VSNL1: variants seen among roughly 807,000 people sequenced by gnomAD.
VSNL1 encodes the protein visinin like 1.
Under a neutral mutation model 20.4 loss-of-function variants are expected in VSNL1, and 6 were observed. That is an observed-to-expected ratio of 0.29 (90% confidence interval 0.16 to 0.58). The LOEUF (loss-of-function observed/expected upper bound fraction) is 0.58. Ranked by LOEUF, VSNL1 falls within the 20% of genes least tolerant of loss-of-function variation. The pLI is 0.90. For missense variants in VSNL1, 100 were observed against 234.5 expected, an observed-to-expected ratio of 0.43 and a Z score of 3.75; for synonymous variants, 93 against 86.4, an observed-to-expected ratio of 1.08 and a Z score of -0.42.
intron 1 of VSNL1, among the ~76,000 whole-genome samples, chr2:17,551,063 T>G (rs1271415331): frequency 1.3e-5 from 2 of 152,162 alleles, no homozygotes; most frequent in Non-Finnish European, 2.9e-5. Flanking sequence ...CATCAATAAA[T>G]TGTGGAGTTT....
At chr2:17,549,869 T>G (rs1663487800) in intron 1 of VSNL1, among the ~76,000 whole-genome samples, 1 of 152,186 alleles carries the variant, frequency 6.6e-6, no homozygotes, top group South Asian at 2.1e-4. Context: ...AAGAACTCAG[T>G]TAGAAAAACT....
chr2:17,545,536 C>A (rs1005215928), intron 1 of VSNL1, among the ~76,000 whole-genome samples: 1 of 152,118 alleles, frequency 6.6e-6, no homozygotes, highest in African/African-American at 2.4e-5. Flanking sequence ...AGATCATGCT[C>A]TCTTGAGCTA....
intron 2 of VSNL1, among the ~76,000 whole-genome samples, chr2:17,601,614 C>G (rs544568050): frequency 6.9e-6 from 1 of 144,604 alleles, no homozygotes; most frequent in Non-Finnish European, 1.5e-5. Flanking sequence ...CCAGCCTGTA[C>G]GACAGAGTGA....
intron 2 of VSNL1, among the ~76,000 whole-genome samples, chr2:17,598,409 CTG>C (rs1437841165): frequency 1.3e-5 from 2 of 152,342 alleles, no homozygotes; most frequent in African/African-American, 4.8e-5. Flanking sequence ...GGCTTTCAAA[CTG>C]TAACGCATCT....
In VSNL1 at chr2:17,651,616, C is replaced by A. The variant is rs1250220127; in HGVS notation, c.378+1991C>A. Reference sequence around the variant, plus strand: ...GACATTGGTTATGTTTGGTGTGAGACCTGACTGTGAGGGCTGGGCCAGCTC... The same window carrying A: ...GACATTGGTTATGTTTGGTGTGAGAACTGACTGTGAGGGCTGGGCCAGCTC... On this transcript the variant is annotated intron_variant, in intron 3 of 3. Coordinates refer to ENST00000295156, the MANE Select transcript of VSNL1 (RefSeq NM_003385.5). Among the ~76,000 whole-genome samples, 3 of 152,206 alleles carry A rather than the reference C, an allele frequency of 2.0e-5. No individual in the cohort carries two copies. In the East Asian group the frequency reaches 5.8e-4, roughly 29 times the overall value.
intron 2 of VSNL1, among the ~76,000 whole-genome samples, chr2:17,612,077 C>T (rs1287926558): frequency 2.0e-5 from 3 of 152,074 alleles, no homozygotes; most frequent in Non-Finnish European, 2.9e-5. Context: ...TGTGTGTGCT[C>T]TCACTCACAC....
At chr2:17,591,911 A>G (rs1363266623) in intron 1 of VSNL1, among the ~76,000 whole-genome samples, 159 bp from the exon 2 acceptor site, 1 of 151,954 alleles carries the variant, frequency 6.6e-6, no homozygotes, top group African/African-American at 2.4e-5. Flanking sequence ...ATATTTTTCT[A>G]GAATACCAAG....
intron 1 of VSNL1, among the ~76,000 whole-genome samples, chr2:17,589,571 C>A (rs971219958): frequency 3.9e-5 from 6 of 152,180 alleles, no homozygotes; most frequent in African/African-American, 1.4e-4. Flanking sequence ...AACCATTGCC[C>A]AACACACCTG....
At chr2:17,629,690 C>T (rs747723819) in intron 2 of VSNL1, among the ~76,000 whole-genome samples, 3 of 152,246 alleles carry the variant, frequency 2.0e-5, no homozygotes, top group Non-Finnish European at 2.9e-5. Context: ...GCTGGAGGCA[C>T]CTCGTCCACT....
At chr2:17,588,587 G>A (rs894462804) in intron 1 of VSNL1, among the ~76,000 whole-genome samples, 3 of 152,202 alleles carry the variant, frequency 2.0e-5, no homozygotes, top group African/African-American at 7.2e-5. Flanking sequence ...AGGACTATAG[G>A]TGGAGAGTAT....
At chr2:17,573,152 A>G (rs992701365) in intron 1 of VSNL1, among the ~76,000 whole-genome samples, 5 of 152,332 alleles carry the variant, frequency 3.3e-5, no homozygotes, top group Non-Finnish European at 7.4e-5. Flanking sequence ...AGTGCGTACT[A>G]TGCTGACAGA....
chr2:17,638,613 G>A (rs1420979464), intron 2 of VSNL1, among the ~76,000 whole-genome samples: 1 of 152,228 alleles, frequency 6.6e-6, no homozygotes, highest in African/African-American at 2.4e-5. Flanking sequence ...AAAGTAGAGC[G>A]AGTTCCAGAC....
rs1188620919 is a variant in VSNL1, at chr2:17,587,388, C to T, written c.-5-4682C>T. Reference sequence around the variant, plus strand: ...ACACACACACACACACACACACACACACACACATATATTTTGTTTCAATCC... The same window carrying T: ...ACACACACACACACACACACACACATACACACATATATTTTGTTTCAATCC... On this transcript the variant is annotated intron_variant, in intron 1 of 3. Coordinates refer to ENST00000295156, the MANE Select transcript of VSNL1 (RefSeq NM_003385.5). Among the ~76,000 whole-genome samples, 5 of 150,690 alleles carry T rather than the reference C, an allele frequency of 3.3e-5. No homozygotes were observed. The East Asian group carries it at 9.7e-4, about 29-fold the overall frequency.
intron 2 of VSNL1, among the ~76,000 whole-genome samples, chr2:17,592,684 G>GA (rs1664623121): frequency 7.2e-5 from 6 of 83,708 alleles, no homozygotes. Flanking sequence ...TTTTTTACCA[G>GA]AAAAGATACT....
chr2:17,561,155 C>CAAT (rs1413083274), intron 1 of VSNL1, among the ~76,000 whole-genome samples: 2 of 151,910 alleles, frequency 1.3e-5, no homozygotes, highest in African/African-American at 4.8e-5. Context: ...AGGGAAGGGA[C>CAAT]AATAAACAGA....
At chr2:17,586,042 C>T (rs1664465959) in intron 1 of VSNL1, among the ~76,000 whole-genome samples, 2 of 152,112 alleles carry the variant, frequency 1.3e-5, no homozygotes, top group Admixed American at 1.3e-4. Context: ...CTCCTGACCT[C>T]AGGTGATCTG....
At position 17,655,455 on chromosome 2, in the gene VSNL1, TCACACACACACACACACACACACACA is replaced by T. The variant is rs3064980; in HGVS notation, c.*82_*107del. 5 of 537,442 alleles carry T rather than the reference TCACACACACACACACACACACACACA, an allele frequency of 9.3e-6. No individual in the cohort carries two copies. Among genetic ancestry groups the T allele is most frequent in the Admixed American group, 2.8e-5 (1 of 35,856 alleles). The allele number at this position is 537,442 out of a possible 1,614,324, so 33.3% of individuals were successfully genotyped here. Reference sequence around the variant, plus strand: ...AATGTTCCATTCAGTCTGCAGCTATTCACACACACACACACACACACACACACACACACACACACACACACAAATAT... The same window carrying T: ...AATGTTCCATTCAGTCTGCAGCTATTCACACACACACACACACACAAATAT... On this transcript the variant is annotated 3_prime_UTR_variant, in exon 4 of 4. Coordinates refer to ENST00000295156, the MANE Select transcript of VSNL1 (RefSeq NM_003385.5). The surrounding 1 kb of genome is among the most constrained non-coding windows in gnomAD (Gnocchi z 5.2).
In VSNL1 at chr2:17,655,336, A is replaced by C; in HGVS notation, c.518A>C (p.Glu173Ala). The change falls in exon 4 of 4, where the codon GAA becomes GCA. Residue 173 changes from glutamate to alanine, a missense_variant. By Grantham distance (107) the Glu-to-Ala change is moderately radical. Transcript: ENST00000295156. This position sits in a 1 kb window ranked among gnomAD's most constrained non-coding sequence, Gnocchi z 5.2. ...DDQITLDEFKEAAKSDPSIVL... is the reference protein window; with the variant it reads ...DDQITLDEFKAAAKSDPSIVL... Reference sequence around the variant, plus strand: ...CAGATTACACTGGATGAATTCAAAGAAGCTGCAAAGAGCGACCCTTCCATT... The same window carrying C: ...CAGATTACACTGGATGAATTCAAAGCAGCTGCAAAGAGCGACCCTTCCATT... 1 of 1,614,100 alleles carries C rather than the reference A, an allele frequency of 6.2e-7. No individual in the cohort carries two copies. The highest frequency in any genetic ancestry group is 8.5e-7 in the Non-Finnish European group (1 of 1,180,014).
intron 3 of VSNL1, among the ~76,000 whole-genome samples, chr2:17,651,685 G>C (rs578001990): frequency 6.6e-6 from 1 of 152,322 alleles, no homozygotes; most frequent in Admixed American, 6.5e-5. Context: ...CCATTTCCTG[G>C]CTGTCAGCGG....
Sources: allele counts gnomAD v4.1 joint callset (sites outside exome capture counted in the v4.1 genomes callset), GRCh38; gene constraint gnomAD v4.1.1; non-coding constraint Gnocchi (gnomAD v3.1); transcripts MANE v1.5; gene names NCBI Gene and HGNC (gene_info 2026-07-23, HGNC 2026-07-21).